Variants in KALRN observed in about 807,000 individuals in gnomAD.
The protein encoded by KALRN is kalirin.
In KALRN, 70 loss-of-function variants were observed where a neutral mutation model predicts 353.7. The observed-to-expected ratio is 0.20, with a 90% CI of 0.16 to 0.24. The LOEUF is 0.24. Among genes scored for constraint, KALRN ranks in the 10% least tolerant of loss-of-function variants. The pLI is 1.00. For synonymous variants in KALRN, 1,391 were observed against 1,434.8 expected, an observed-to-expected ratio of 0.97 and a Z score of 0.69; for missense variants, 2,791 against 3,756.7, an observed-to-expected ratio of 0.74 and a Z score of 6.72.
In KALRN at chr3:124,721,491, C is replaced by T. The variant is rs2063354217; in HGVS notation, c.*2021C>T. 6.6e-6 allele frequency: 1 copy of T among 152,056 alleles called. No individual in the cohort carries two copies. The highest frequency in any genetic ancestry group is 2.4e-5 in the African/African-American group (1 of 41,398). 9.4% of individuals were successfully genotyped at this position (152,056 alleles called of 1,614,324 possible). ...ATAAAAATTTAAAACATACATTAAA[C>T]ATGGTTACTAAAATTTTTCAAAATG... On this transcript the variant is annotated 3_prime_UTR_variant, in exon 60 of 60. Coordinates refer to ENST00000682506, the MANE Select transcript of KALRN (RefSeq NM_001388419.1).
At chr3:124,424,381 AT>A (rs1225477037) in intron 15 of KALRN, among the ~76,000 whole-genome samples, 1 of 152,082 alleles carries the variant, frequency 6.6e-6, no homozygotes, top group African/African-American at 2.4e-5. Context: ...AGCCAAAAAC[AT>A]CTTATTTTGT....
chr3:124,561,170 C>T (rs2071958874), intron 33 of KALRN, among the ~76,000 whole-genome samples: 1 of 152,200 alleles, frequency 6.6e-6, no homozygotes, highest in Admixed American at 6.5e-5. Flanking sequence ...GAGGTGTTTC[C>T]ATCCCACAAA....
At chr3:124,493,299 G>T (rs1364383790) in intron 32 of KALRN, among the ~76,000 whole-genome samples, 2 of 152,186 alleles carry the variant, frequency 1.3e-5, no homozygotes, top group African/African-American at 4.8e-5. Flanking sequence ...TAGTCAAAGG[G>T]CTTTGTGTAC....
chr3:124,473,820 A>AT (rs1287950504), intron 25 of KALRN, among the ~76,000 whole-genome samples: 3 of 152,178 alleles, frequency 2.0e-5, no homozygotes, highest in African/African-American at 7.2e-5. Context: ...GTACTGTCAA[A>AT]TTGTTCCTTG....
chr3:124,625,241 A>C (rs2076720), intron 34 of KALRN, among the ~76,000 whole-genome samples: 13,534 of 152,202 alleles, frequency 0.089, 644 homozygotes, highest in Middle Eastern at 0.17. Flanking sequence ...GAGTCATAAC[A>C]GTGCCCAGTG....
At chr3:124,686,798 ATTTTTTTTTT>A (rs10599336) in intron 51 of KALRN, among the ~76,000 whole-genome samples, 885 of 70,782 alleles carry the variant, frequency 0.013, 11 homozygotes, top group African/African-American at 0.037. Flanking sequence ...CACTGGTGAG[ATTTTTTTTTT>A]TTTTTTTTTT....
intron 29 of KALRN, among the ~76,000 whole-genome samples, chr3:124,489,903 G>A (rs1321667165): frequency 1.3e-5 from 2 of 152,238 alleles, no homozygotes; most frequent in African/African-American, 4.8e-5. Context: ...AAAACTTCAA[G>A]TGGTATAAAT....
chr3:124,721,652 T>C lies in KALRN; in HGVS notation c.*2182T>C, dbSNP rs2063356380. On this transcript the variant is annotated 3_prime_UTR_variant, in exon 60 of 60. Transcript: ENST00000682506. Reference sequence around the variant, plus strand: ...CAATAAACATGTCTTCATTATGGTATACAGCATAAAAGAGGAAAGCCTGAG... The same window carrying C: ...CAATAAACATGTCTTCATTATGGTACACAGCATAAAAGAGGAAAGCCTGAG... The C allele has an allele frequency of 1.3e-5, 2 of 152,222 alleles. No individual in the cohort carries two copies. The highest frequency in any genetic ancestry group is 4.1e-4 in the South Asian group (2 of 4,824). The allele number at this position is 152,222 out of a possible 1,614,324, so 9.4% of individuals were successfully genotyped here.
In KALRN at chr3:124,489,433, C is replaced by T. The variant is rs566215002; in HGVS notation, c.4396+1118C>T. 4.6e-5 allele frequency among the ~76,000 whole-genome samples: 7 copies of T among 152,292 alleles called. No individual in the cohort carries two copies. The East Asian group carries it at 7.7e-4, about 17-fold the overall frequency. ...TTCTCTTCTGGACTCCATCCTACTCCGCCAATACCACCAACACCACCTTGG... is the reference window on the plus strand; with the variant it reads ...TTCTCTTCTGGACTCCATCCTACTCTGCCAATACCACCAACACCACCTTGG... On this transcript the variant is annotated intron_variant, in intron 29 of 59. Coordinates refer to ENST00000682506, the MANE Select transcript of KALRN (RefSeq NM_001388419.1).
At chr3:124,442,913 C>T (rs2093712728) in intron 19 of KALRN, among the ~76,000 whole-genome samples, 1 of 152,010 alleles carries the variant, frequency 6.6e-6, no homozygotes, top group Admixed American at 6.6e-5. Flanking sequence ...AGCCCAAGAG[C>T]TGGAGGCTGC....
intron 33 of KALRN, among the ~76,000 whole-genome samples, chr3:124,524,048 G>C (rs1208975513): frequency 1.3e-5 from 2 of 152,190 alleles, no homozygotes; most frequent in Non-Finnish European, 2.9e-5. Flanking sequence ...CACTGAACAG[G>C]CTACAAAAAT....
chr3:124,682,959 T>C (rs1205488974), intron 51 of KALRN, among the ~76,000 whole-genome samples: 1 of 152,026 alleles, frequency 6.6e-6, no homozygotes, highest in Admixed American at 6.6e-5. Context: ...CGTGGCCAAG[T>C]CTCCTGCAGC....
chr3:124,615,058 TCA>T (rs2078416115), intron 34 of KALRN, among the ~76,000 whole-genome samples: 1 of 152,254 alleles, frequency 6.6e-6, no homozygotes, highest in Non-Finnish European at 1.5e-5. Flanking sequence ...CAAAATTATA[TCA>T]GAGTTTTAAA....
At chr3:124,605,946 A>G (rs1229208014) in intron 34 of KALRN, among the ~76,000 whole-genome samples, 1 of 152,160 alleles carries the variant, frequency 6.6e-6, no homozygotes, top group East Asian at 1.9e-4. Flanking sequence ...TGCTTGCCGC[A>G]GCTTTTTGCA....
intron 1 of KALRN, among the ~76,000 whole-genome samples, chr3:124,085,266 T>C (rs1190597960): frequency 1.3e-5 from 2 of 152,224 alleles, no homozygotes; most frequent in Non-Finnish European, 2.9e-5. Context: ...AGTAGCCGCA[T>C]AATCTTCAAC....
chr3:124,699,783 A>G (rs2062231763), intron 55 of KALRN, 86 bp from the exon 56 acceptor site: 1 of 1,311,672 alleles, frequency 7.6e-7, no homozygotes, highest in Non-Finnish European at 1.1e-6. Flanking sequence ...GAATGTGTCT[A>G]TTTTCCTGTC....
At chr3:124,137,214 C>T (rs916073792) in intron 1 of KALRN, among the ~76,000 whole-genome samples, 1 of 152,262 alleles carries the variant, frequency 6.6e-6, no homozygotes, top group East Asian at 1.9e-4. Flanking sequence ...TATTTACTTA[C>T]GTGTACAACA....
chr3:124,713,788 C>T (rs1421843906), intron 58 of KALRN, among the ~76,000 whole-genome samples: 3 of 152,158 alleles, frequency 2.0e-5, no homozygotes, highest in Non-Finnish European at 2.9e-5. Context: ...ATACAAGTAA[C>T]AGAAATGTGA....
chr3:124,138,211 T>C (rs2066171089), intron 1 of KALRN, among the ~76,000 whole-genome samples: 1 of 152,192 alleles, frequency 6.6e-6, no homozygotes. Context: ...GTTGAGCAGC[T>C]AATCAGAACT....
Sources: allele counts gnomAD v4.1 joint callset (sites outside exome capture counted in the v4.1 genomes callset), GRCh38; gene constraint gnomAD v4.1.1; transcripts MANE v1.5; gene names NCBI Gene and HGNC (gene_info 2026-07-23, HGNC 2026-07-21).